Variants in SHANK2 observed in about 807,000 individuals in gnomAD.
The protein encoded by SHANK2 is SH3 and multiple ankyrin repeat domains 2, also known as SH3 and multiple ankyrin repeat domains protein 2.
A neutral mutation model predicts 133.7 loss-of-function variants in SHANK2; 43 were observed. That is an observed-to-expected ratio of 0.32 (90% confidence interval 0.25 to 0.41). The LOEUF (loss-of-function observed/expected upper bound fraction) is 0.41. Ranked by LOEUF, SHANK2 falls within the 10% of genes least tolerant of loss-of-function variation. The pLI, the probability that SHANK2 is intolerant of heterozygous loss-of-function variation, is 1.00. For missense variants in SHANK2, 1,994 were observed against 2,235.8 expected, an observed-to-expected ratio of 0.89 and a Z score of 2.18; for synonymous variants, 1,017 against 952.8, an observed-to-expected ratio of 1.07 and a Z score of -1.24.
intron 11 of SHANK2, among the ~76,000 whole-genome samples, chr11:70,885,383 A>G (rs1949723068): frequency 6.6e-6 from 1 of 152,202 alleles, no homozygotes; most frequent in Non-Finnish European, 1.5e-5. Context: ...AGAAGACGGA[A>G]GGAGTCGATC....
intron 14 of SHANK2, among the ~76,000 whole-genome samples, chr11:70,743,183 C>T (rs1008378206): frequency 1.3e-5 from 2 of 152,178 alleles, no homozygotes; most frequent in African/African-American, 2.4e-5. Flanking sequence ...CAGCCAGGAA[C>T]GCAGGAGCTG....
At chr11:70,585,624 T>C (rs944211779) in intron 17 of SHANK2, among the ~76,000 whole-genome samples, 1 of 149,740 alleles carries the variant, frequency 6.7e-6, no homozygotes, top group Non-Finnish European at 1.5e-5. Context: ...TCCATCTCTC[T>C]TTTCATGTAT....
At chr11:71,182,143 C>CA (rs541188589) in intron 2 of SHANK2, among the ~76,000 whole-genome samples, 1,917 of 143,384 alleles carry the variant, frequency 0.013, 30 homozygotes, top group African/African-American at 0.033. Context: ...CTTCTTTAGG[C>CA]AAAAAAAAAA....
At chr11:70,866,709 C>G (rs1949364360) in intron 11 of SHANK2, among the ~76,000 whole-genome samples, 1 of 152,122 alleles carries the variant, frequency 6.6e-6, no homozygotes, top group Non-Finnish European at 1.5e-5. Context: ...ACACACAAGT[C>G]AACAAATAGG....
At chr11:70,914,382 A>G (rs1950238623) in intron 10 of SHANK2, among the ~76,000 whole-genome samples, 1 of 152,042 alleles carries the variant, frequency 6.6e-6, no homozygotes, top group Non-Finnish European at 1.5e-5. Context: ...AGGGGCTAGA[A>G]AAAGGTCATC....
chr11:70,541,211 C>T (rs1030250382), intron 17 of SHANK2, among the ~76,000 whole-genome samples: 2 of 152,220 alleles, frequency 1.3e-5, no homozygotes, highest in South Asian at 2.1e-4. Context: ...GATCGGGATA[C>T]ACCACATTTG....
chr11:70,884,023 G>A (rs1555072912), intron 11 of SHANK2, among the ~76,000 whole-genome samples: 1 of 152,236 alleles, frequency 6.6e-6, no homozygotes, highest in Non-Finnish European at 1.5e-5. Context: ...AGGGAGCCAG[G>A]AGCAGGGGTG....
intron 17 of SHANK2, among the ~76,000 whole-genome samples, chr11:70,577,795 C>A (rs1591603036): frequency 6.6e-6 from 1 of 152,218 alleles, no homozygotes; most frequent in Admixed American, 6.5e-5. Flanking sequence ...ACCCCCACAA[C>A]CTCAGAACGT....
At chr11:70,503,091 G>T (rs1299181193) in intron 17 of SHANK2, among the ~76,000 whole-genome samples, 160 bp from the exon 18 acceptor site, 2 of 152,180 alleles carry the variant, frequency 1.3e-5, no homozygotes, top group Admixed American at 1.3e-4. Context: ...AGGTGCTTTT[G>T]GGGAAACCAG....
At chr11:70,699,909 G>A (rs1464897998) in intron 14 of SHANK2, among the ~76,000 whole-genome samples, 2 of 152,206 alleles carry the variant, frequency 1.3e-5, no homozygotes, top group Non-Finnish European at 2.9e-5. Context: ...CACAAGCAGG[G>A]TGGGAAGGGT....
intron 17 of SHANK2, among the ~76,000 whole-genome samples, chr11:70,598,547 G>C (rs191556656): frequency 6.6e-6 from 1 of 152,266 alleles, no homozygotes; most frequent in East Asian, 1.9e-4. Flanking sequence ...GAGAAAAAGA[G>C]AGAACACTCC....
chr11:71,251,401 G>C (rs1948176361), intron 1 of SHANK2, among the ~76,000 whole-genome samples: 1 of 152,248 alleles, frequency 6.6e-6, no homozygotes, highest in African/African-American at 2.4e-5. Flanking sequence ...GAGGCCCGCT[G>C]CGGTGGTCGC....
At chr11:70,561,219 T>C in intron 17 of SHANK2, among the ~76,000 whole-genome samples, 1 of 152,110 alleles carries the variant, frequency 6.6e-6, no homozygotes, top group East Asian at 1.9e-4. Context: ...ACTGGTGTGA[T>C]CATAGCTCAC....
rs1241696681 is a variant in SHANK2 at position 70,703,705 on chromosome 11, G to T, written c.1778-4942C>A. Reference sequence around the variant, plus strand: ...CTCCCTGTGCACCAGTGACAACAAAGGATGCTGGCTGTTTCCTGCCGCTGA... The same window carrying T: ...CTCCCTGTGCACCAGTGACAACAAATGATGCTGGCTGTTTCCTGCCGCTGA... On this transcript the variant is annotated intron_variant, in intron 14 of 25. Coordinates refer to ENST00000601538, the MANE Select transcript of SHANK2 (RefSeq NM_012309.5). 3.3e-5 allele frequency among the ~76,000 whole-genome samples: 5 copies of T among 152,332 alleles called. No homozygotes were observed. In the East Asian group the frequency reaches 9.7e-4, roughly 29 times the overall value.
At chr11:70,940,204 T>TCCC (rs1950625818) in intron 10 of SHANK2, among the ~76,000 whole-genome samples, 2 of 128,672 alleles carry the variant, frequency 1.6e-5, no homozygotes, top group Non-Finnish European at 3.2e-5. Context: ...CCTTCCTGCC[T>TCCC]TCCTCCTTCC....
chr11:70,688,991 GC>G (rs1945215797), intron 15 of SHANK2, among the ~76,000 whole-genome samples: 1 of 152,214 alleles, frequency 6.6e-6, no homozygotes. Flanking sequence ...TGGGAGTGGG[GC>G]CAGGAGCATG....
intron 17 of SHANK2, among the ~76,000 whole-genome samples, chr11:70,544,536 C>T (rs2059664572): frequency 6.6e-6 from 1 of 152,218 alleles, no homozygotes; most frequent in African/African-American, 2.4e-5. Flanking sequence ...GGCCCAAATC[C>T]CTGCCCAGGG....
At chr11:70,784,587 G>A (rs181331492) in intron 14 of SHANK2, among the ~76,000 whole-genome samples, 58 of 152,034 alleles carry the variant, frequency 3.8e-4, no homozygotes, top group African/African-American at 1.0e-3. Flanking sequence ...GATTACAGGC[G>A]TGAGCAACTG....
At position 70,799,115 on chromosome 11, in the gene SHANK2, G is replaced by A. The variant is rs376214794; in HGVS notation, c.1664-559C>T. ...GTGCGGAAGGAGAAATCACAGCAGA[G>A]GTCTGGGCGCGGTGGCTCATGCCTG... is the stretch of plus-strand genomic sequence containing the variant. On this transcript the variant is annotated intron_variant, in intron 13 of 25. Transcript: ENST00000601538. 9.9e-5 allele frequency among the ~76,000 whole-genome samples: 15 copies of A among 152,282 alleles called. No individual in the cohort carries two copies. The South Asian group carries it at 3.1e-3, about 32-fold the overall frequency.
Sources: gnomAD v4.1 joint callset for allele counts (sites outside exome capture counted in the v4.1 genomes callset) on GRCh38, gnomAD v4.1.1 for gene constraint, MANE v1.5 for transcripts, NCBI Gene and HGNC (gene_info 2026-07-23, HGNC 2026-07-21) for gene names.